TSPAN18: variants seen among roughly 807,000 people sequenced by gnomAD.
TSPAN18 encodes tetraspanin-18.
Under a neutral mutation model 27.3 loss-of-function variants are expected in TSPAN18, and 14 were observed. The ratio of observed to expected loss-of-function variants is 0.51; its 90% CI spans 0.34 to 0.80. TSPAN18 has a LOEUF of 0.80. TSPAN18 is among the 30% of genes least tolerant of loss of function. The pLI is 0.01. For synonymous variants in TSPAN18, 143 were observed against 136.5 expected (o/e 1.05, Z -0.33); for missense variants, 268 against 323.9 (o/e 0.83, Z 1.32).
intron 2 of TSPAN18, among the ~76,000 whole-genome samples, chr11:44,824,376 C>A (rs4755897): frequency 0.18 from 27,235 of 152,244 alleles, 3,200 homozygotes; most frequent in Non-Finnish European, 0.26. Context: ...CCACCCCCAA[C>A]TGGGGCTGGG....
intron 2 of TSPAN18, among the ~76,000 whole-genome samples, chr11:44,786,931 C>CTG (rs1336219610): frequency 6.6e-6 from 1 of 152,142 alleles, no homozygotes; most frequent in Non-Finnish European, 1.5e-5. Context: ...CGCTCCTGGC[C>CTG]TGTCCAGTTA....
chr11:44,827,275 A>G (rs1159432719), intron 2 of TSPAN18, among the ~76,000 whole-genome samples: 1 of 152,220 alleles, frequency 6.6e-6, no homozygotes, highest in South Asian at 2.1e-4. Flanking sequence ...TACCTACCAC[A>G]CAACAGGGAT....
chr11:44,767,341 C>T (rs991438339), intron 2 of TSPAN18, among the ~76,000 whole-genome samples: 4 of 152,030 alleles, frequency 2.6e-5, no homozygotes, highest in African/African-American at 9.7e-5. Flanking sequence ...ATTTAAATGA[C>T]TCCAGGCTTC....
At chr11:44,889,932 C>T (rs929899447) in intron 3 of TSPAN18, among the ~76,000 whole-genome samples, 7 of 152,250 alleles carry the variant, frequency 4.6e-5, no homozygotes, top group Admixed American at 4.6e-4. Flanking sequence ...TTTTCCGATG[C>T]TGACTGGCTC....
At chr11:44,739,188 G>T (rs1854870184) in intron 1 of TSPAN18, among the ~76,000 whole-genome samples, 2 of 152,214 alleles carry the variant, frequency 1.3e-5, no homozygotes. Flanking sequence ...CTGCACCTAG[G>T]CTGTGAGGGA....
rs572252258 is a variant in TSPAN18 at position 44,922,104 on chromosome 11, A to T, written c.615+2105A>T. Among the ~76,000 whole-genome samples, 4 of 144,930 alleles carry T rather than the reference A, an allele frequency of 2.8e-5. No homozygotes were observed. In the East Asian group the frequency reaches 8.3e-4, roughly 30 times the overall value. On this transcript the variant is annotated intron_variant, in intron 8 of 9. Coordinates refer to ENST00000520358, the MANE Select transcript of TSPAN18 (RefSeq NM_130783.5). Reference sequence around the variant, plus strand: ...TTTTCCTCCAAAGCCCTCTTGCTTAAAGCCCAGGATGCATTTTTTTTTTTT... The same window carrying T: ...TTTTCCTCCAAAGCCCTCTTGCTTATAGCCCAGGATGCATTTTTTTTTTTT...
intron 1 of TSPAN18, among the ~76,000 whole-genome samples, chr11:44,747,568 G>A (rs1019430425): frequency 6.6e-6 from 1 of 152,116 alleles, no homozygotes; most frequent in African/African-American, 2.4e-5. Flanking sequence ...CAGCATCAGG[G>A]GAAGCCATTT....
intron 5 of TSPAN18, among the ~76,000 whole-genome samples, chr11:44,915,792 C>T (rs1042386688): frequency 1.3e-5 from 2 of 152,316 alleles, no homozygotes; most frequent in South Asian, 2.1e-4. Context: ...TAGTCACTTC[C>T]CTTCTCCAGC....
At chr11:44,897,860 A>G in intron 3 of TSPAN18, 1 of 1,289,350 alleles carries the variant, frequency 7.8e-7, no homozygotes, top group Non-Finnish European at 1.0e-6. Context: ...CTCCCTTCTC[A>G]GTGTACCTCT....
chr11:44,877,800 G>C (rs1858377716), intron 3 of TSPAN18, among the ~76,000 whole-genome samples: 1 of 151,834 alleles, frequency 6.6e-6, no homozygotes, highest in Non-Finnish European at 1.5e-5. Flanking sequence ...GGGTAAGCTA[G>C]TCGTGGGAAA....
chr11:44,786,968 C>T (rs1288883393), intron 2 of TSPAN18, among the ~76,000 whole-genome samples: 4 of 152,150 alleles, frequency 2.6e-5, no homozygotes, highest in Non-Finnish European at 5.9e-5. Flanking sequence ...CTCCATTTTC[C>T]TCTGCCACCA....
intron 2 of TSPAN18, among the ~76,000 whole-genome samples, chr11:44,800,675 G>C (rs902115027): frequency 6.6e-6 from 1 of 152,228 alleles, no homozygotes; most frequent in Admixed American, 6.5e-5. Context: ...CCTGTTTGCA[G>C]AAGTTTCTGG....
chr11:44,857,804 C>T (rs780463795), intron 2 of TSPAN18, among the ~76,000 whole-genome samples: 8 of 152,196 alleles, frequency 5.3e-5, no homozygotes, highest in Admixed American at 1.3e-4. Flanking sequence ...ATGACACACA[C>T]GTGCATTTAC....
At chr11:44,883,391 C>T (rs763883081) in intron 3 of TSPAN18, among the ~76,000 whole-genome samples, 16 of 152,172 alleles carry the variant, frequency 1.1e-4, no homozygotes, top group Non-Finnish European at 2.2e-4. Flanking sequence ...CAGTGGCCCT[C>T]GGTAGATAGC....
chr11:44,753,100 C>T (rs1048795847), intron 1 of TSPAN18, among the ~76,000 whole-genome samples: 2 of 152,124 alleles, frequency 1.3e-5, no homozygotes, highest in African/African-American at 2.4e-5. Flanking sequence ...CTGCGGACCT[C>T]ACCTTTCTCA....
chr11:44,863,896 T>G (rs1440757834), intron 3 of TSPAN18, among the ~76,000 whole-genome samples: 1 of 152,174 alleles, frequency 6.6e-6, no homozygotes. Flanking sequence ...GTAGTACTGA[T>G]GCTATTTGGT....
intron 8 of TSPAN18, among the ~76,000 whole-genome samples, chr11:44,924,782 T>C (rs1860287140): frequency 6.6e-6 from 1 of 152,144 alleles, no homozygotes; most frequent in African/African-American, 2.4e-5. Flanking sequence ...TTAGGAGATA[T>C]ACCTAATGTA....
At chr11:44,859,150 C>G (rs2135207958) in intron 2 of TSPAN18, among the ~76,000 whole-genome samples, 1 of 152,276 alleles carries the variant, frequency 6.6e-6, no homozygotes, top group Non-Finnish European at 1.5e-5. Context: ...GCTTGCTGGT[C>G]TGGGGGCCCA....
chr11:44,904,294 C>T (rs1859375688), intron 3 of TSPAN18, among the ~76,000 whole-genome samples: 1 of 152,216 alleles, frequency 6.6e-6, no homozygotes, highest in South Asian at 2.1e-4. Flanking sequence ...CTCCCCTGCT[C>T]AGCATTTTTC....
Sources: allele counts gnomAD v4.1 joint callset (sites outside exome capture counted in the v4.1 genomes callset), GRCh38; gene constraint gnomAD v4.1.1; transcripts MANE v1.5; gene names NCBI Gene and HGNC (gene_info 2026-07-23, HGNC 2026-07-21).